The following CEP135 variants were observed in gnomAD, a reference collection of about 807,000 sequenced individuals.
CEP135 encodes the protein centrosomal protein of 135 kDa.
CEP135 carries 142 observed loss-of-function variants against 157.3 expected under a neutral mutation model. The ratio of observed to expected loss-of-function variants is 0.90; its 90% CI spans 0.79 to 1.04. The LOEUF is 1.04. Ranked by LOEUF, CEP135 falls within the 50% of genes least tolerant of loss-of-function variation. CEP135 has a pLI of 0.00. For missense variants in CEP135, 1,317 were observed against 1,309.2 expected, an observed-to-expected ratio of 1.01 and a Z score of -0.09; for synonymous variants, 396 against 439.8, an observed-to-expected ratio of 0.90 and a Z score of 1.25.
In CEP135 at chr4:56,017,760, A is replaced by C; in HGVS notation, c.2915A>C (p.Asn972Thr). The C allele has an allele frequency of 6.2e-7, 1 of 1,614,014 alleles. No homozygotes were observed. The highest frequency in any genetic ancestry group is 8.5e-7 in the Non-Finnish European group (1 of 1,179,988). The stretch of plus-strand genomic sequence containing the variant: ...GAAGATGAGAAAGCAACAGTATTAA[A>C]TGACTTGTCATCTCTTAGAGAACTT... ...HQEDEKATVL[N>T]DLSSLRELCI... Residue 972 changes from asparagine (N) to threonine (T), a missense_variant, in exon 22 of 26, where the codon AAT (asparagine) becomes ACT (threonine). Transcript: ENST00000257287.
rs1728602492 is a variant in CEP135, at chr4:55,959,230, GGTTTTTTGC to G, written c.615-451_615-443del. On this transcript the variant is annotated intron_variant, in intron 5 of 25. Coordinates refer to ENST00000257287, the MANE Select transcript of CEP135 (RefSeq NM_025009.5). ...GAATTAACAAGTTCCAGAAGGAATA[GGTTTTTTGC>G]TGTAGTTACATATGATCTTTTTTCC... 4.6e-5 allele frequency among the ~76,000 whole-genome samples: 7 copies of G among 152,220 alleles called. No homozygotes were observed. In the South Asian group the frequency reaches 1.4e-3, roughly 32 times the overall value.
chr4:55,986,608 A>ACT (rs1306777615), intron 14 of CEP135, among the ~76,000 whole-genome samples: 1 of 152,074 alleles, frequency 6.6e-6, no homozygotes, highest in Non-Finnish European at 1.5e-5. Context: ...ATTCTTTATT[A>ACT]CTCTCTCTGG....
Position 56,031,879 on chromosome 4 carries a change from G to A in CEP135, c.*531G>A, listed in dbSNP as rs1731362952. The A allele has an allele frequency of 6.6e-6, 1 of 152,034 alleles. No homozygotes were observed. Among genetic ancestry groups the A allele is most frequent in the African/African-American group, 2.4e-5 (1 of 41,410 alleles). 9.4% of individuals were successfully genotyped at this position (152,034 alleles called of 1,614,324 possible). ...CTGTTGTCAAGGGGAATATATTCAG[G>A]TCTAGTCTTCTTATAATAGCAGAGG... On this transcript the variant is annotated 3_prime_UTR_variant, in exon 26 of 26. Transcript: ENST00000257287.
At position 56,008,324 on chromosome 4, in the gene CEP135, T is replaced by C. The variant is rs1180677408; in HGVS notation, c.2281-3T>C. On this transcript the variant is annotated splice_region_variant and splice_polypyrimidine_tract_variant and intron_variant, in intron 17 of 25. Coordinates refer to ENST00000257287, the MANE Select transcript of CEP135 (RefSeq NM_025009.5). The stretch of plus-strand genomic sequence containing the variant: ...ATCTTACACATTTTTGTAATTTCTA[T>C]AGGAAAAAGCTGTTGCTCAAATGAA... 6.2e-7 allele frequency: 1 copy of C among 1,604,740 alleles called. No homozygotes were observed. The highest frequency in any genetic ancestry group is 1.7e-5 in the Admixed American group (1 of 58,868).
chr4:55,991,369 A>G (rs755452713), intron 14 of CEP135, among the ~76,000 whole-genome samples: 12 of 134,050 alleles, frequency 9.0e-5, no homozygotes, highest in Admixed American at 1.6e-4. Flanking sequence ...AGCCATCCCC[A>G]TTTTTAAAAA....
intron 4 of CEP135, among the ~76,000 whole-genome samples, chr4:55,955,355 A>C (rs1277911566): frequency 6.6e-6 from 1 of 152,230 alleles, no homozygotes; most frequent in East Asian, 1.9e-4. Flanking sequence ...AGAAGCCAGC[A>C]GAGTTCTGAG....
intron 11 of CEP135, among the ~76,000 whole-genome samples, chr4:55,978,118 T>A (rs1729281313): frequency 6.6e-6 from 1 of 152,134 alleles, no homozygotes; most frequent in Admixed American, 6.6e-5. Context: ...ACAGATATAT[T>A]TAAAGAAGAG....
Position 55,971,400 on chromosome 4 carries a change from C to T in CEP135, c.1241C>T (p.Ala414Val). ...QRLSKKVESFAVTERQLTLEV... is the reference protein window; with the variant it reads ...QRLSKKVESFVVTERQLTLEV... Reference sequence around the variant, plus strand: ...CTTAGCAAAAAAGTTGAAAGTTTTGCAGTTACAGGTAAGATGTCAAATTTT... The same window carrying T: ...CTTAGCAAAAAAGTTGAAAGTTTTGTAGTTACAGGTAAGATGTCAAATTTT... Residue 414 changes from alanine (A) to valine (V), a missense_variant, in exon 10 of 26, where the codon GCA becomes GTA. By Grantham distance (64) the Ala-to-Val change is moderately conservative. Coordinates refer to ENST00000257287, the MANE Select transcript of CEP135 (RefSeq NM_025009.5). 6.3e-7 allele frequency: 1 copy of T among 1,592,644 alleles called. No homozygotes were observed. The highest frequency in any genetic ancestry group is 8.5e-7 in the Non-Finnish European group (1 of 1,173,194).
At chr4:55,998,433 C>T (rs1030252056) in intron 15 of CEP135, among the ~76,000 whole-genome samples, 1 of 152,120 alleles carries the variant, frequency 6.6e-6, no homozygotes, top group South Asian at 2.1e-4. Flanking sequence ...TGTCGTTAAC[C>T]ATGTAGGCCG....
chr4:56,014,492 C>T (rs1179632980), intron 21 of CEP135, among the ~76,000 whole-genome samples: 2 of 152,198 alleles, frequency 1.3e-5, no homozygotes, highest in African/African-American at 4.8e-5. Context: ...AATGTTTCCT[C>T]TGGTGATGTC....
intron 23 of CEP135, among the ~76,000 whole-genome samples, 157 bp from the exon 24 acceptor site, chr4:56,020,514 ATAAAC>A (rs1288877429): frequency 3.9e-5 from 6 of 152,256 alleles, no homozygotes. Flanking sequence ...TGTTTCATAA[ATAAAC>A]TAAATGAATG....
intron 14 of CEP135, among the ~76,000 whole-genome samples, chr4:55,988,683 C>T (rs1014250692): frequency 1.4e-5 from 2 of 138,212 alleles, no homozygotes; most frequent in Non-Finnish European, 3.1e-5. Context: ...AATGGCTGGG[C>T]GTGGTGGCTC....
chr4:55,982,102 C>G (rs971720841), intron 13 of CEP135, among the ~76,000 whole-genome samples: 3 of 152,110 alleles, frequency 2.0e-5, no homozygotes, highest in Admixed American at 6.5e-5. Flanking sequence ...AGCACATTAG[C>G]GTCACTCCCC....
chr4:55,998,149 C>T (rs1233396143), intron 15 of CEP135, among the ~76,000 whole-genome samples: 3 of 152,080 alleles, frequency 2.0e-5, no homozygotes, highest in Non-Finnish European at 2.9e-5. Context: ...TCCCTTTAGG[C>T]GATTCTAAGC....
rs1731288485 is a variant in CEP135 at position 56,029,997 on chromosome 4, T to C, written c.*12-1363T>C. On this transcript the variant is annotated intron_variant, in intron 25 of 25. Transcript: ENST00000257287. ...ATTTTCTCCAATAATAAATTAACCT[T>C]AGCTTACTGTAACTTTTTTCCTTTA... is the stretch of plus-strand genomic sequence containing the variant. 2.6e-5 allele frequency among the ~76,000 whole-genome samples: 4 copies of C among 152,342 alleles called. No individual in the cohort carries two copies. The South Asian group carries it at 6.2e-4, about 24-fold the overall frequency.
chr4:56,014,566 G>A (rs941142769), intron 21 of CEP135, among the ~76,000 whole-genome samples: 2 of 152,188 alleles, frequency 1.3e-5, no homozygotes, highest in Non-Finnish European at 1.5e-5. Flanking sequence ...CTAAGTTACG[G>A]TCTACTGTTG....
At chr4:55,962,443 C>G (rs1452086069) in intron 6 of CEP135, among the ~76,000 whole-genome samples, 2 of 152,098 alleles carry the variant, frequency 1.3e-5, no homozygotes, top group African/African-American at 2.4e-5. Flanking sequence ...GATTCCTTCT[C>G]CCTCTCTATG....
At chr4:55,958,219 G>T (rs553642935) in intron 5 of CEP135, among the ~76,000 whole-genome samples, 17 of 152,094 alleles carry the variant, frequency 1.1e-4, no homozygotes, top group Admixed American at 5.2e-4. Context: ...AGGATCGCTT[G>T]AACCCATGAA....
At chr4:56,015,428 C>A (rs929056901) in intron 21 of CEP135, among the ~76,000 whole-genome samples, 1 of 152,204 alleles carries the variant, frequency 6.6e-6, no homozygotes, top group Admixed American at 6.5e-5. Context: ...CATCACAGGT[C>A]CAGATGATGG....
Sources: allele counts gnomAD v4.1 joint callset (sites outside exome capture counted in the v4.1 genomes callset), GRCh38; gene constraint gnomAD v4.1.1; transcripts MANE v1.5; gene names NCBI Gene and HGNC (gene_info 2026-07-23, HGNC 2026-07-21).